Variants in PWWP2A observed in about 807,000 individuals in gnomAD.
PWWP2A encodes the protein PWWP domain-containing protein 2A.
PWWP2A carries 18 observed loss-of-function variants against 48.5 expected under a neutral mutation model. That is an observed-to-expected ratio of 0.37 (90% confidence interval 0.26 to 0.55). The LOEUF is 0.55. PWWP2A is among the 20% of genes least tolerant of loss of function. The pLI is 0.81. For missense variants in PWWP2A, 867 were observed against 976.4 expected (o/e 0.89, Z 1.49); for synonymous variants, 396 against 387.7 (o/e 1.02, Z -0.25).
At chr5:160,080,465 A>G (rs1024184486) in intron 3 of PWWP2A, among the ~76,000 whole-genome samples, 4 of 152,328 alleles carry the variant, frequency 2.6e-5, no homozygotes, top group African/African-American at 9.6e-5. Flanking sequence ...GGTAGTATCA[A>G]TGGAAAGTTA....
downstream of PWWP2A, among the ~76,000 whole-genome samples, chr5:160,071,503 AG>A (rs911463280): frequency 1.3e-5 from 2 of 152,178 alleles, no homozygotes; most frequent in Non-Finnish European, 2.9e-5. Context: ...GGGATGTCAA[AG>A]GGAAAGGCTA....
Position 160,119,433 on chromosome 5 carries a change from G to A in PWWP2A, c.-45C>T, listed in dbSNP as rs1758500059. ...TCCTCCAACTCCGGCTGCAGCGGCGGCGGCGACAGCGCTGCTTGGTTCCCT... is the reference window on the plus strand; with the variant it reads ...TCCTCCAACTCCGGCTGCAGCGGCGACGGCGACAGCGCTGCTTGGTTCCCT... On this transcript the variant is annotated 5_prime_UTR_variant, in exon 1 of 2. Coordinates refer to ENST00000307063, the MANE Select transcript of PWWP2A (RefSeq NM_001130864.2). 1.5e-6 allele frequency: 2 copies of A among 1,354,132 alleles called. No individual in the cohort carries two copies. Among genetic ancestry groups the A allele is most frequent in the African/African-American group, 1.5e-5 (1 of 64,996 alleles). 83.9% of individuals were successfully genotyped at this position (1,354,132 alleles called of 1,614,324 possible).
chr5:160,119,383 C>G lies in PWWP2A; in HGVS notation c.6G>C (p.Ala2=). The change falls in exon 1 of 2, where the codon GCG becomes GCC. Residue 2 remains alanine, a synonymous_variant. Transcript: ENST00000307063. Reference sequence around the variant, plus strand: ...TCGCTGCCGCCTCTGCAGCCACGGCCGCCATTTTCTTCCTAGCTTCTCCCT... The same window carrying G: ...TCGCTGCCGCCTCTGCAGCCACGGCGGCCATTTTCTTCCTAGCTTCTCCCT... M[A]AVAAEAAATA... 7.3e-7 allele frequency: 1 copy of G among 1,366,496 alleles called. No individual in the cohort carries two copies. Among genetic ancestry groups the G allele is most frequent in the Non-Finnish European group, 9.4e-7 (1 of 1,066,872 alleles). 84.6% of individuals were successfully genotyped at this position (1,366,496 alleles called of 1,614,324 possible).
At position 160,077,318 on chromosome 5, in the gene PWWP2A, A is replaced by G. The variant is rs547712027; in HGVS notation, c.*837T>C. ...AAAACCAGTAAGGATACAGACAATAATAAAAGGCTTTCCAACTCAGCAGAA... is the reference window on the plus strand; with the variant it reads ...AAAACCAGTAAGGATACAGACAATAGTAAAAGGCTTTCCAACTCAGCAGAA... On this transcript the variant is annotated 3_prime_UTR_variant, in exon 4 of 4. Transcript: ENST00000456329. The surrounding 1 kb of genome is among the most constrained non-coding windows in gnomAD (Gnocchi z 4.2). 6.6e-6 allele frequency: 1 copy of G among 152,324 alleles called. No individual in the cohort carries two copies. Among genetic ancestry groups the G allele is most frequent in the East Asian group, 1.9e-4 (1 of 5,192 alleles). The allele number at this position is 152,324 out of a possible 1,614,324, so 9.4% of individuals were successfully genotyped here.
At position 160,092,659 on chromosome 5, in the gene PWWP2A, T is replaced by C; in HGVS notation, c.1991A>G (p.Tyr664Cys). 1 of 1,551,668 alleles carries C rather than the reference T, an allele frequency of 6.4e-7. No individual in the cohort carries two copies. Among genetic ancestry groups the C allele is most frequent in the Non-Finnish European group, 8.7e-7 (1 of 1,146,992 alleles). The change falls in exon 2 of 2, where the codon TAT becomes TGT. Residue 664 changes from tyrosine to cysteine, a missense_variant. Physicochemically the swap from Tyr to Cys is radical, Grantham distance 194. This residue lies in a region of PWWP2A where 97 missense variants were observed against 151.7 expected (regional missense o/e 0.64). Transcript: ENST00000307063. The stretch of plus-strand genomic sequence containing the variant: ...ACGGGCTGGCCACCAAGGGAAGCCA[T>C]ATATCTTGGCCCAAACAATGTCCCC... Reference protein sequence around the residue: ...CVGDIVWAKIYGFPWWPARIL... With the variant: ...CVGDIVWAKICGFPWWPARIL...
intron 1 of PWWP2A, among the ~76,000 whole-genome samples, chr5:160,105,348 A>C (rs910165638): frequency 2.0e-5 from 3 of 150,886 alleles, no homozygotes; most frequent in Non-Finnish European, 4.4e-5. Context: ...GGAGATGGAG[A>C]CCATCCTGTG....
At chr5:160,071,105 C>T (rs62377729), downstream of PWWP2A, among the ~76,000 whole-genome samples, 172 of 152,316 alleles carry the variant, frequency 1.1e-3, no homozygotes, top group Non-Finnish European at 1.2e-3. Context: ...GGGAGGATCA[C>T]CAGAGCCCAG....
intron 2 of PWWP2A, among the ~76,000 whole-genome samples, chr5:160,081,239 C>CTTTTTTT (rs11410217): frequency 1.5e-5 from 2 of 133,746 alleles, no homozygotes; most frequent in African/African-American, 5.5e-5. Flanking sequence ...CAATGACCCC[C>CTTTTTTT]TTTTTTTTTT....
At chr5:160,051,159 G>A in the PWWP2A span, 1 of 1,603,522 alleles carries the variant, frequency 6.2e-7, no homozygotes, top group Non-Finnish European at 8.5e-7. Context: ...AGAACGTAAT[G>A]AAAGACTAAA....
the PWWP2A span, among the ~76,000 whole-genome samples, chr5:160,052,197 T>C: frequency 6.6e-6 from 1 of 152,194 alleles, no homozygotes; most frequent in Non-Finnish European, 1.5e-5. Flanking sequence ...GGGGAGCTTT[T>C]CCCCTAATTT....
At chr5:160,051,827 A>C in the PWWP2A span, among the ~76,000 whole-genome samples, 2 of 152,116 alleles carry the variant, frequency 1.3e-5, no homozygotes, top group Non-Finnish European at 2.9e-5. Context: ...TCCACATGTA[A>C]CCTGTCTGAT....
At chr5:160,082,060 T>A (rs1027435087) in intron 2 of PWWP2A, among the ~76,000 whole-genome samples, 2 of 152,222 alleles carry the variant, frequency 1.3e-5, no homozygotes, top group African/African-American at 4.8e-5. Flanking sequence ...AATAATGAGG[T>A]ATTTATCCTT....
chr5:160,054,982 T>C, the PWWP2A span, among the ~76,000 whole-genome samples: 1 of 152,008 alleles, frequency 6.6e-6, no homozygotes, highest in African/African-American at 2.4e-5. Flanking sequence ...CCCTCAGGAG[T>C]CCCTTGAGAA....
At chr5:160,116,405 G>A (rs762843085) in intron 1 of PWWP2A, among the ~76,000 whole-genome samples, 5 of 151,988 alleles carry the variant, frequency 3.3e-5, no homozygotes, top group Admixed American at 6.6e-5. Flanking sequence ...GCAGTGAGCC[G>A]AGATCGCATC....
intron 1 of PWWP2A, among the ~76,000 whole-genome samples, chr5:160,108,999 C>T (rs536261164): frequency 2.2e-4 from 34 of 152,022 alleles, no homozygotes; most frequent in African/African-American, 7.5e-4. Context: ...TATTTTTTGT[C>T]TTCAGATAGA....
chr5:160,114,066 C>G (rs1242828053), intron 1 of PWWP2A, among the ~76,000 whole-genome samples: 1 of 152,184 alleles, frequency 6.6e-6, no homozygotes, highest in Non-Finnish European at 1.5e-5. Flanking sequence ...TCATAGAAAG[C>G]TCCTAATTTT....
At chr5:160,102,720 T>C (rs1318909361) in intron 1 of PWWP2A, among the ~76,000 whole-genome samples, 2 of 152,158 alleles carry the variant, frequency 1.3e-5, no homozygotes, top group East Asian at 3.9e-4. Context: ...AAAGTACACA[T>C]TGCCAATGAG....
downstream of PWWP2A, among the ~76,000 whole-genome samples, chr5:160,057,004 T>C (rs1757563806): frequency 6.6e-6 from 1 of 152,078 alleles, no homozygotes; most frequent in African/African-American, 2.4e-5. The surrounding 1 kb of genome is among the most constrained non-coding windows in gnomAD (Gnocchi z 4.4). Context: ...TTTCTCTTCA[T>C]ACTATTCTGC....
intron 1 of PWWP2A, among the ~76,000 whole-genome samples, chr5:160,096,283 C>T (rs1755642823): frequency 6.6e-6 from 1 of 152,106 alleles, no homozygotes; most frequent in Admixed American, 6.5e-5. Context: ...GGAAAGGTAC[C>T]TCCTATTGTA....
Sources: allele counts gnomAD v4.1 joint callset (sites outside exome capture counted in the v4.1 genomes callset), GRCh38; gene constraint gnomAD v4.1.1; regional missense constraint gnomAD v4.1.1; non-coding constraint Gnocchi (gnomAD v3.1); transcripts MANE v1.5; gene names NCBI Gene and HGNC (gene_info 2026-07-23, HGNC 2026-07-21).